TTN: variants seen among roughly 807,000 people sequenced by gnomAD.
The protein encoded by TTN is connectin.
TTN carries 1,525 observed loss-of-function variants against 3,223.0 expected under a neutral mutation model. The ratio of observed to expected loss-of-function variants is 0.47; its 90% confidence interval spans 0.45 to 0.49. The LOEUF (loss-of-function observed/expected upper bound fraction) is 0.49, where lower values mean the gene tolerates loss of function less well. TTN is among the 20% of genes least tolerant of loss of function. The pLI is 0.00. For missense variants in TTN, 40,786 were observed against 43,424.0 expected (o/e 0.94, Z 5.40); for synonymous variants, 14,094 against 15,161.0 (o/e 0.93, Z 5.17).
At position 178,653,022 on chromosome 2, in the gene TTN, T is replaced by C. The variant is rs2063367624; in HGVS notation, c.38875+19A>G. 6.2e-7 allele frequency: 1 copy of C among 1,612,476 alleles called. No individual in the cohort carries two copies. Among genetic ancestry groups the C allele is most frequent in the Admixed American group, 1.7e-5 (1 of 59,802 alleles). On this transcript the variant is annotated intron_variant, in intron 199 of 362. Coordinates refer to ENST00000589042, the MANE Select transcript of TTN (RefSeq NM_001267550.2). The stretch of plus-strand genomic sequence containing the variant: ...ATGAAGAGTTCAGTCTTCTGAAGCC[T>C]AAAGCCAGTGACAAATACCTTTAAC...
intron 96 of TTN, among the ~76,000 whole-genome samples, 187 bp downstream of exon 96, chr2:178,711,757 A>G (rs1176057025): frequency 6.6e-6 from 1 of 152,214 alleles, no homozygotes; most frequent in African/African-American, 2.4e-5. Flanking sequence ...CTTCCAATTA[A>G]AGATTTAGTC....
At position 178,605,306 on chromosome 2, in the gene TTN, A is replaced by C. The variant is rs533844520; in HGVS notation, c.53882-11T>G. On this transcript the variant is annotated splice_polypyrimidine_tract_variant and intron_variant, in intron 279 of 362. Transcript: ENST00000589042. ...TAATAGTTGGAGGCACTGCAAAGAG[A>C]AGAGAAAGAAAAACAGTAACAAAGT... 6.4e-7 allele frequency: 1 copy of C among 1,550,848 alleles called. No homozygotes were observed. The highest frequency in any genetic ancestry group is 2.0e-5 in the Admixed American group (1 of 49,886).
rs66839174 is a variant in TTN at position 178,733,443 on chromosome 2, C to T, written c.15850G>A (p.Val5284Met). ...GGCTTCAGTTCTGGCGTGCCTGCCA[C>T]TGTGTACTCCAGTGTGGCGGGATCT... Reference protein sequence around the residue: ...AGDPATLEYTVAGTPELKPKW... With the variant: ...AGDPATLEYTMAGTPELKPKW... Residue 5284 changes from valine to methionine, a missense_variant, in exon 54 of 363, where the codon GTG (valine) becomes ATG (methionine). Val to Met is a conservative substitution (Grantham distance 21). Coordinates refer to ENST00000589042, the MANE Select transcript of TTN (RefSeq NM_001267550.2). The T allele has an allele frequency of 6.5e-4, 1,051 of 1,613,824 alleles. 7 individuals carry two copies. The African/African-American group carries it at 0.012, about 19-fold the overall frequency.
At position 178,682,546 on chromosome 2, in the gene TTN, G is replaced by A. The variant is rs369710895; in HGVS notation, c.33094+151C>T. On this transcript the variant is annotated intron_variant, in intron 135 of 362. Coordinates refer to ENST00000589042, the MANE Select transcript of TTN (RefSeq NM_001267550.2). ...AAAATTTTTTCTAGAAGTTATCAAA[G>A]AAGAAAATTCCGCATTTGCGAAATG... 8 of 711,602 alleles carry A rather than the reference G, an allele frequency of 1.1e-5. No homozygotes were observed. In the East Asian group the frequency reaches 2.1e-4, roughly 19 times the overall value. The allele number at this position is 711,602 out of a possible 1,614,324, so 44.1% of individuals were successfully genotyped here.
At chr2:178,671,946 G>T in intron 155 of TTN, 25 bp downstream of exon 155, 1 of 1,575,378 alleles carries the variant, frequency 6.3e-7, no homozygotes, top group South Asian at 1.2e-5. Context: ...ATAAGAATTT[G>T]TAGTATTTGA....
chr2:178,722,163 A>G (rs1214160093), intron 77 of TTN, 29 bp from the exon 78 acceptor site: 3 of 1,531,858 alleles, frequency 2.0e-6, no homozygotes, highest in Admixed American at 4.4e-5. Flanking sequence ...GGCAATGTGT[A>G]TTTTTTGTTT....
rs1056753359 is a variant in TTN at position 178,599,307 on chromosome 2, C to T, written c.56486G>A (p.Arg18829Lys). The T allele has an allele frequency of 6.2e-7, 1 of 1,609,466 alleles. No homozygotes were observed. The highest frequency in any genetic ancestry group is 2.2e-5 in the East Asian group (1 of 44,648). ...NYVIEKREAN[R>K]KTWVHVSSEP... The stretch of plus-strand genomic sequence containing the variant: ...ACTGGAGACATGGACCCATGTCTTC[C>T]TGTTAGCTTCTCTTTTCTCAATTAC... The change falls in exon 290 of 363, where the codon AGG becomes AAG. Residue 18829 changes from arginine (R) to lysine (K), a missense_variant. By Grantham distance (26) the Arg-to-Lys change is conservative. Coordinates refer to ENST00000589042, the MANE Select transcript of TTN (RefSeq NM_001267550.2).
intron 311 of TTN, 41 bp from the exon 312 acceptor site, chr2:178,583,947 C>G (rs746767673): frequency 6.8e-7 from 1 of 1,463,414 alleles, no homozygotes; most frequent in East Asian, 2.4e-5. Flanking sequence ...ATCTTACCAG[C>G]AGAAGTTTAA....
chr2:178,653,522 G>C lies in TTN; in HGVS notation c.38627-15C>G. 1 of 1,418,534 alleles carries C rather than the reference G, an allele frequency of 7.0e-7. No individual in the cohort carries two copies. Among genetic ancestry groups the C allele is most frequent in the South Asian group, 1.3e-5 (1 of 75,872 alleles). The allele number at this position is 1,418,534 out of a possible 1,614,324, so 87.9% of individuals were successfully genotyped here. A position where few individuals can be genotyped will look rare whatever the true frequency, so the allele number is the denominator to read the frequency against. On this transcript the variant is annotated splice_polypyrimidine_tract_variant and intron_variant, in intron 196 of 362. Transcript: ENST00000589042. ...GACTTCAGGCACTTGAAAGATATTA[G>C]TAGTTTTTCACTTAGGTTAATGAGA...
In TTN at chr2:178,747,594, T is replaced by A. The variant is rs72648909; in HGVS notation, c.11311+5530A>T. ...GTTACTTCTTCCACCTCCATTGAAG[T>A]GATTGATTCACTCTGGACAAGCTTT... On this transcript the variant is annotated intron_variant, in intron 47 of 362. Transcript: ENST00000589042. 1,149 of 1,613,260 alleles carry A rather than the reference T, an allele frequency of 7.1e-4. 3 individuals carry two copies. Among genetic ancestry groups the A allele is most frequent in the Admixed American group, 1.0e-3 (60 of 59,888 alleles).
chr2:178,756,539 T>C lies in TTN; in HGVS notation c.10937A>G (p.Glu3646Gly). ...CTCTTTAGCACATTCCTTAGATAGC[T>C]CAGTGCTTTCTGCAATTTGTGAAAG... Reference protein sequence around the residue: ...ASLSQIAESTELSKECAKEST... With the variant: ...ASLSQIAESTGLSKECAKEST... The change falls in exon 46 of 363, where the codon GAG becomes GGG. Residue 3646 changes from glutamate (E) to glycine (G), a missense_variant. Coordinates refer to ENST00000589042, the MANE Select transcript of TTN (RefSeq NM_001267550.2). The C allele has an allele frequency of 6.2e-7, 1 of 1,612,198 alleles. No individual in the cohort carries two copies. The highest frequency in any genetic ancestry group is 8.5e-7 in the Non-Finnish European group (1 of 1,178,622).
chr2:178,602,286 A>G lies in TTN; in HGVS notation c.55116T>C (p.Ile18372=). The G allele has an allele frequency of 6.2e-7, 1 of 1,612,664 alleles. No homozygotes were observed. Among genetic ancestry groups the G allele is most frequent in the Non-Finnish European group, 8.5e-7 (1 of 1,179,194 alleles). The part of the protein sequence containing the change: ...DTTGEIPATD[I]QEEPEVFIDI... The stretch of plus-strand genomic sequence containing the variant: ...AAACTGAGTAAGTACTAGTACCTTG[A>G]ATATCAGTGGCAGGGATCTCCCCAG... Residue 18372 remains isoleucine, a synonymous_variant, in exon 283 of 363, where the codon ATT becomes ATC. Transcript: ENST00000589042.
In TTN at chr2:178,593,233, C is replaced by G; in HGVS notation, c.58975G>C (p.Glu19659Gln). ...GGGCTTGGATCTCCAATACCAATTT[C>G]ATTTTCTGCAGAAACCCGGAATTCA... ...QYEFRVSAEN[E>Q]IGIGDPSPPS... The change falls in exon 299 of 363, where the codon GAA (glutamate) becomes CAA (glutamine). Residue 19659 changes from glutamate to glutamine, a missense_variant. Coordinates refer to ENST00000589042, the MANE Select transcript of TTN (RefSeq NM_001267550.2). The G allele has an allele frequency of 6.2e-7, 1 of 1,613,444 alleles. No homozygotes were observed. The highest frequency in any genetic ancestry group is 8.5e-7 in the Non-Finnish European group (1 of 1,179,606).
At position 178,677,237 on chromosome 2, in the gene TTN, C is replaced by T. The variant is rs894171947; in HGVS notation, c.34342G>A (p.Ala11448Thr). ...GGTGGAGGTTCCACTTTTTTAGGGG[C>T]GGGAACAGGGACTTTCTTCTCTGGT... Reference protein sequence around the residue: ...PVPEKKVPVPAPKKVEPPPPP... With the variant: ...PVPEKKVPVPTPKKVEPPPPP... Residue 11448 changes from alanine (A) to threonine (T), a missense_variant, in exon 147 of 363, where the codon GCC becomes ACC. Coordinates refer to ENST00000589042, the MANE Select transcript of TTN (RefSeq NM_001267550.2). The T allele has an allele frequency of 8.6e-5, 105 of 1,221,368 alleles. No homozygotes were observed. Among genetic ancestry groups the T allele is most frequent in the Non-Finnish European group, 9.9e-5 (97 of 982,420 alleles). The allele number at this position is 1,221,368 out of a possible 1,614,324, so 75.7% of individuals were successfully genotyped here.
In TTN at chr2:178,549,836, A is replaced by G. The variant is rs777327992; in HGVS notation, c.91886T>C (p.Phe30629Ser). 9 of 1,589,110 alleles carry G rather than the reference A, an allele frequency of 5.7e-6. No homozygotes were observed. In the South Asian group the frequency reaches 6.9e-5, roughly 12 times the overall value. Residue 30629 changes from phenylalanine to serine, a missense_variant, in exon 338 of 363, where the codon TTC (phenylalanine) becomes TCC (serine). By Grantham distance (155) the Phe-to-Ser change is radical. Coordinates refer to ENST00000589042, the MANE Select transcript of TTN (RefSeq NM_001267550.2). The stretch of plus-strand genomic sequence containing the variant: ...CATCTTCTCCCCAGTAATATTGGTG[A>G]ATCTTATTGGCCCAACTACTTTTCC... ...TPGKVVGPIR[F>S]TNITGEKMTL...
rs887438313 is a variant in TTN at position 178,721,028 on chromosome 2, G to A, written c.22991C>T (p.Ala7664Val). ...KYNMSFINSV[A>V]LLTINEASAE... Reference sequence around the variant, plus strand: ...ACTAGCTTCATTGATCGTAAGCAATGCCACAGAATTAATGAATGACATGTT... The same window carrying A: ...ACTAGCTTCATTGATCGTAAGCAATACCACAGAATTAATGAATGACATGTT... The change falls in exon 79 of 363, where the codon GCA becomes GTA. Residue 7664 changes from alanine to valine, a missense_variant. By Grantham distance (64) the Ala-to-Val change is moderately conservative. Coordinates refer to ENST00000589042, the MANE Select transcript of TTN (RefSeq NM_001267550.2). The A allele has an allele frequency of 2.5e-6, 4 of 1,613,318 alleles. No homozygotes were observed. Among genetic ancestry groups the A allele is most frequent in the Non-Finnish European group, 3.4e-6 (4 of 1,179,390 alleles).
At chr2:178,676,585 C>T (rs1329658123) in intron 147 of TTN, among the ~76,000 whole-genome samples, 1 of 151,762 alleles carries the variant, frequency 6.6e-6, no homozygotes, top group African/African-American at 2.4e-5. Context: ...TTAATTCTCA[C>T]CATAATAGCT....
chr2:178,695,287 C>T, intron 115 of TTN, 61 bp downstream of exon 115: 2 of 1,367,146 alleles, frequency 1.5e-6, no homozygotes, highest in Non-Finnish European at 2.1e-6. Flanking sequence ...ACATTGCTGC[C>T]AAACAAGCCA....
At position 178,612,130 on chromosome 2, in the gene TTN, C is replaced by A; in HGVS notation, c.50281G>T (p.Val16761Phe). The A allele has an allele frequency of 6.2e-7, 1 of 1,611,882 alleles. No individual in the cohort carries two copies. Among genetic ancestry groups the A allele is most frequent in the Non-Finnish European group, 8.5e-7 (1 of 1,178,918 alleles). The change falls in exon 267 of 363, where the codon GTT becomes TTT. Residue 16761 changes from valine (V) to phenylalanine (F), a missense_variant. Physicochemically the swap from Val to Phe is conservative, Grantham distance 50 (BLOSUM62 -1). Coordinates refer to ENST00000589042, the MANE Select transcript of TTN (RefSeq NM_001267550.2). ...TCAACATGTCGTTTTGTCACATCAACCACTGCCAGGGCGTAGGGTGGTCCA... is the reference window on the plus strand; with the variant it reads ...TCAACATGTCGTTTTGTCACATCAAACACTGCCAGGGCGTAGGGTGGTCCA... ...TPGPPYALAV[V>F]DVTKRHVDLK...
Sources: allele counts gnomAD v4.1 joint callset (sites outside exome capture counted in the v4.1 genomes callset), GRCh38; gene constraint gnomAD v4.1.1; transcripts MANE v1.5; gene names NCBI Gene and HGNC (gene_info 2026-07-23, HGNC 2026-07-21).